Variants in RAP1GAP2 observed in about 807,000 individuals in gnomAD.
RAP1GAP2 encodes the protein rap1 GTPase-activating protein 2.
In RAP1GAP2, 27 loss-of-function variants were observed where a neutral mutation model predicts 95.0. The observed-to-expected ratio is 0.28, with a 90% CI of 0.21 to 0.39. The LOEUF (loss-of-function observed/expected upper bound fraction) is 0.39, where lower values mean the gene tolerates loss of function less well. Among genes scored for constraint, RAP1GAP2 ranks in the 10% least tolerant of loss-of-function variants. RAP1GAP2 has a pLI of 1.00. For synonymous variants in RAP1GAP2, 373 were observed against 380.9 expected, an observed-to-expected ratio of 0.98 and a Z score of 0.24; for missense variants, 771 against 970.0, an observed-to-expected ratio of 0.79 and a Z score of 2.72.
intron 2 of RAP1GAP2, among the ~76,000 whole-genome samples, chr17:2,842,093 T>C (rs559230352): frequency 1.3e-4 from 20 of 152,276 alleles, no homozygotes; most frequent in African/African-American, 4.1e-4. Flanking sequence ...TGGGGGAGTA[T>C]TGGGGTCCTT....
intron 3 of RAP1GAP2, among the ~76,000 whole-genome samples, chr17:2,917,324 G>A (rs553431022): frequency 2.0e-5 from 3 of 152,012 alleles, no homozygotes; most frequent in African/African-American, 7.2e-5. Flanking sequence ...AGGCTGGAGG[G>A]CAATGGCGCG....
At chr17:2,948,265 G>A (rs1422279579) in intron 3 of RAP1GAP2, among the ~76,000 whole-genome samples, 1 of 152,182 alleles carries the variant, frequency 6.6e-6, no homozygotes, top group East Asian at 1.9e-4. Context: ...CGAGGCTGCT[G>A]ACACATAAAC....
intron 2 of RAP1GAP2, among the ~76,000 whole-genome samples, chr17:2,818,980 T>C (rs2070162456): frequency 6.6e-6 from 1 of 152,012 alleles, no homozygotes; most frequent in African/African-American, 2.4e-5. Flanking sequence ...ATATTACCAT[T>C]ATCGTTCTGC....
At chr17:2,759,571 C>T (rs900776665) in intron 1 of RAP1GAP2, among the ~76,000 whole-genome samples, 2 of 152,200 alleles carry the variant, frequency 1.3e-5, no homozygotes, top group African/African-American at 2.4e-5. Context: ...CTGCCTCAGC[C>T]CCCGGAGTAG....
At chr17:2,874,670 A>AG (rs986216034) in intron 2 of RAP1GAP2, among the ~76,000 whole-genome samples, 1 of 152,178 alleles carries the variant, frequency 6.6e-6, no homozygotes, top group Non-Finnish European at 1.5e-5. Flanking sequence ...ATGAGACGGT[A>AG]GGTGCTACAT....
intron 4 of RAP1GAP2, chr17:2,962,244 T>A (rs1270682204): frequency 5.4e-6 from 1 of 185,532 alleles, no homozygotes; most frequent in Non-Finnish European, 1.1e-5. Context: ...GCCTCCTTCA[T>A]GATGATAATG....
intron 19 of RAP1GAP2, among the ~76,000 whole-genome samples, chr17:3,020,842 A>G (rs558335248): frequency 1.2e-4 from 18 of 152,326 alleles, no homozygotes; most frequent in African/African-American, 4.3e-4. Flanking sequence ...CCAGGCTAGA[A>G]ACATTGCTTG....
chr17:2,755,673 C>A, upstream of RAP1GAP2: 1 of 285,318 alleles, frequency 3.5e-6, no homozygotes, highest in Non-Finnish European at 6.5e-6. Flanking sequence ...GCCGAGCCTC[C>A]TCCACCGTGC....
At chr17:2,756,083 G>A (rs552993137) in intron 1 of RAP1GAP2, among the ~76,000 whole-genome samples, 1 of 152,350 alleles carries the variant, frequency 6.6e-6, no homozygotes, top group South Asian at 2.1e-4. Context: ...TTTCACGCTC[G>A]CACGGGGCTT....
intron 2 of RAP1GAP2, among the ~76,000 whole-genome samples, chr17:2,772,023 C>G (rs1310722799): frequency 6.6e-6 from 1 of 152,020 alleles, no homozygotes; most frequent in African/African-American, 2.4e-5. Flanking sequence ...GAGTTTCACT[C>G]TTGTTACCCA....
intron 1 of RAP1GAP2, among the ~76,000 whole-genome samples, chr17:2,790,710 G>A (rs1659265627): frequency 6.6e-6 from 1 of 152,250 alleles, no homozygotes; most frequent in Non-Finnish European, 1.5e-5. Flanking sequence ...CCTGGGGAAG[G>A]AGCTTGTCTC....
At chr17:2,812,990 C>A (rs1222999443) in intron 2 of RAP1GAP2, among the ~76,000 whole-genome samples, 54 of 137,062 alleles carry the variant, frequency 3.9e-4, no homozygotes, top group South Asian at 4.6e-4. Context: ...AACTCCGTCT[C>A]AAAAAAAAAA....
intron 2 of RAP1GAP2, among the ~76,000 whole-genome samples, chr17:2,832,926 C>T (rs544068652): frequency 9.9e-5 from 15 of 151,092 alleles, no homozygotes; most frequent in African/African-American, 3.2e-4. Flanking sequence ...TTGCAATGAG[C>T]GAGATCGCAC....
chr17:2,980,591 AG>A (rs1224528949), intron 9 of RAP1GAP2, among the ~76,000 whole-genome samples: 1 of 152,214 alleles, frequency 6.6e-6, no homozygotes, highest in Non-Finnish European at 1.5e-5. Context: ...GAGGCTGCTT[AG>A]GAACAGTATC....
intron 3 of RAP1GAP2, among the ~76,000 whole-genome samples, chr17:2,950,510 G>A (rs1392025550): frequency 1.3e-5 from 2 of 152,064 alleles, no homozygotes; most frequent in Non-Finnish European, 2.9e-5. Flanking sequence ...TATTTACTGG[G>A]CATTCACTGC....
intron 2 of RAP1GAP2, among the ~76,000 whole-genome samples, chr17:2,874,872 A>T (rs2073021931): frequency 6.6e-6 from 1 of 152,144 alleles, no homozygotes; most frequent in Admixed American, 6.6e-5. Flanking sequence ...TCAGTTTGGC[A>T]TCCCTCACAC....
chr17:2,854,923 C>T (rs1045531182), intron 2 of RAP1GAP2, among the ~76,000 whole-genome samples: 2 of 152,124 alleles, frequency 1.3e-5, no homozygotes, highest in South Asian at 2.1e-4. Context: ...GAGATGTTGC[C>T]GGGATCAGGA....
rs866614227 is a variant in RAP1GAP2 at position 2,886,163 on chromosome 17, A to G, written c.81-19121A>G. ...TGTGTGTGTGTGTGTGTGTGTGTGT[A>G]TATATATATTTTTTTTTTTTTTTTT... On this transcript the variant is annotated intron_variant, in intron 2 of 24. Transcript: ENST00000254695. 3.4e-3 allele frequency among the ~76,000 whole-genome samples: 423 copies of G among 123,238 alleles called. 2 individuals are homozygous for G. Among genetic ancestry groups the G allele is most frequent in the African/African-American group, 0.013 (374 of 29,514 alleles). The allele number at this position is 123,238 out of a possible 152,430, so 80.8% of individuals were successfully genotyped here.
At chr17:2,849,270 C>T (rs932822360) in intron 2 of RAP1GAP2, among the ~76,000 whole-genome samples, 4 of 152,166 alleles carry the variant, frequency 2.6e-5, no homozygotes, top group Non-Finnish European at 1.5e-5. Context: ...TCCATGGCCC[C>T]CCTCGCCCCC....
Sources: allele counts gnomAD v4.1 joint callset (sites outside exome capture counted in the v4.1 genomes callset), GRCh38; gene constraint gnomAD v4.1.1; transcripts MANE v1.5; gene names NCBI Gene and HGNC (gene_info 2026-07-23, HGNC 2026-07-21).